Variants in IARS1 observed in about 807,000 individuals in gnomAD.
The protein encoded by IARS1 is isoleucyl-tRNA synthetase 1.
A neutral mutation model predicts 168.2 loss-of-function variants in IARS1; 124 were observed. The ratio of observed to expected loss-of-function variants is 0.74; its 90% CI spans 0.64 to 0.86. The LOEUF (loss-of-function observed/expected upper bound fraction) is 0.86. IARS1 is among the 40% of genes least tolerant of loss of function. IARS1 has a pLI of 0.00. For missense variants in IARS1, 1,452 were observed against 1,515.8 expected (o/e 0.96, Z 0.70); for synonymous variants, 532 against 529.4 (o/e 1.00, Z -0.07).
intron 33 of IARS1, among the ~76,000 whole-genome samples, chr9:92,220,677 G>A (rs573999760): frequency 6.6e-6 from 1 of 152,224 alleles, no homozygotes; most frequent in African/African-American, 2.4e-5. Context: ...GAAAATGGTA[G>A]AAATTAGGCA....
At chr9:92,289,078 G>A (rs192310272) in intron 2 of IARS1, among the ~76,000 whole-genome samples, 4 of 151,890 alleles carry the variant, frequency 2.6e-5, no homozygotes, top group African/African-American at 9.7e-5. Context: ...GTGATGGCGG[G>A]CACCTGTAAT....
Position 92,243,315 on chromosome 9 carries a change from T to C in IARS1, c.2905-4A>G. 1 of 1,601,934 alleles carries C rather than the reference T, an allele frequency of 6.2e-7. No homozygotes were observed. Among genetic ancestry groups the C allele is most frequent in the Non-Finnish European group, 8.6e-7 (1 of 1,169,086 alleles). On this transcript the variant is annotated splice_polypyrimidine_tract_variant and splice_region_variant and intron_variant, in intron 27 of 33. Transcript: ENST00000443024. Reference sequence around the variant, plus strand: ...TGACATCTAAGAGGACCAAAGCCTGTGGGAATGAACAGTGCACACCATGAC... The same window carrying C: ...TGACATCTAAGAGGACCAAAGCCTGCGGGAATGAACAGTGCACACCATGAC...
intron 16 of IARS1, among the ~76,000 whole-genome samples, chr9:92,264,707 T>C (rs1035404669): frequency 4.6e-5 from 7 of 152,154 alleles, no homozygotes; most frequent in African/African-American, 1.2e-4. Flanking sequence ...AGTGAGATCA[T>C]TGAAATTGTA....
At chr9:92,262,047 G>A (rs1831603351) in intron 17 of IARS1, among the ~76,000 whole-genome samples, 1 of 146,364 alleles carries the variant, frequency 6.8e-6, no homozygotes, top group Non-Finnish European at 1.5e-5. Context: ...ATAGCACCCA[G>A]CCCTCAATAA....
At chr9:92,278,068 A>C (rs1564185340) in intron 8 of IARS1, 131 bp downstream of exon 8, 1 of 1,016,874 alleles carries the variant, frequency 9.8e-7, no homozygotes, top group Non-Finnish European at 1.5e-6. Context: ...AGTACTTAGT[A>C]TAGTATTAGT....
At chr9:92,271,230 A>G (rs891770257) in intron 11 of IARS1, among the ~76,000 whole-genome samples, 154 bp from the exon 12 acceptor site, 1 of 152,234 alleles carries the variant, frequency 6.6e-6, no homozygotes. Flanking sequence ...ATTTTCAAGT[A>G]CATTCCACAA....
chr9:92,267,863 T>A lies in IARS1; in HGVS notation c.1431+311A>T, dbSNP rs578049695. Among the ~76,000 whole-genome samples the A allele has an allele frequency of 8.0e-4, 122 of 152,200 alleles. 2 individuals carry two copies. Among genetic ancestry groups the A allele is most frequent in the Non-Finnish European group, 2.5e-4 (17 of 68,036 alleles). On this transcript the variant is annotated intron_variant, in intron 14 of 33. Coordinates refer to ENST00000443024, the MANE Select transcript of IARS1 (RefSeq NM_002161.6). ...CATAAGCTAATAGTATACCTTAATG[T>A]AGGGGGAAGAAAAGACATCGGGGAA...
At chr9:92,237,058 ATC>A (rs987784179) in intron 30 of IARS1, among the ~76,000 whole-genome samples, 1 of 151,852 alleles carries the variant, frequency 6.6e-6, no homozygotes, top group Non-Finnish European at 1.5e-5. Context: ...AATTGCACTG[ATC>A]TCTTATTTTT....
At chr9:92,217,261 C>T (rs11521657) in intron 33 of IARS1, among the ~76,000 whole-genome samples, 40,129 of 148,692 alleles carry the variant, frequency 0.27, 6,938 homozygotes, top group African/African-American at 0.49. Context: ...ATCTCTGAGA[C>T]GCATTCAAAG....
At chr9:92,243,159 A>C (rs1452327558) in intron 28 of IARS1, 57 bp downstream of exon 28, 4 of 1,295,234 alleles carry the variant, frequency 3.1e-6, no homozygotes, top group Middle Eastern at 1.8e-4. Context: ...TCTTCTCCAA[A>C]CAACCAAAAC....
At chr9:92,276,101 TAAAAC>T (rs1833740461) in intron 9 of IARS1, among the ~76,000 whole-genome samples, 1 of 152,056 alleles carries the variant, frequency 6.6e-6, no homozygotes, top group Non-Finnish European at 1.5e-5. Context: ...AAATACAACA[TAAAAC>T]AAAGTATGTT....
chr9:92,289,234 G>A (rs866400675), intron 2 of IARS1, 67 bp downstream of exon 2: 5 of 622,210 alleles, frequency 8.0e-6, no homozygotes, highest in African/African-American at 5.9e-5. Context: ...AAAAGTATCT[G>A]CTTTAATGGA....
chr9:92,249,815 C>G, intron 25 of IARS1, 43 bp downstream of exon 25: 4 of 983,750 alleles, frequency 4.1e-6, no homozygotes, highest in South Asian at 1.4e-5. Flanking sequence ...AAATAATGTT[C>G]TAAGTCTATC....
chr9:92,256,491 G>C (rs4609254), intron 20 of IARS1, 189 bp downstream of exon 20: 1 of 486,460 alleles, frequency 2.1e-6, no homozygotes, highest in African/African-American at 1.9e-5. Flanking sequence ...CACCAGGCCA[G>C]AAGTCCCCAG....
In IARS1 at chr9:92,233,049, A is replaced by T. The variant is rs189658055; in HGVS notation, c.3284-3923T>A. Reference sequence around the variant, plus strand: ...GGAGCTTTCAGAGGCCCCCTGAAATATCTCAAGAGAATTTTCTTTCATTAT... The same window carrying T: ...GGAGCTTTCAGAGGCCCCCTGAAATTTCTCAAGAGAATTTTCTTTCATTAT... On this transcript the variant is annotated intron_variant, in intron 30 of 33. Coordinates refer to ENST00000443024, the MANE Select transcript of IARS1 (RefSeq NM_002161.6). Among the ~76,000 whole-genome samples the T allele has an allele frequency of 1.1e-3, 173 of 152,360 alleles. 1 individual carries two copies. The highest frequency in any genetic ancestry group is 3.2e-3 in the Admixed American group (49 of 15,298).
chr9:92,262,908 C>A, intron 17 of IARS1, 61 bp downstream of exon 17: 1 of 1,235,174 alleles, frequency 8.1e-7, no homozygotes, highest in Non-Finnish European at 1.2e-6. Context: ...CTCTCACGCA[C>A]TCCTTCTTAA....
chr9:92,276,921 T>G (rs1392049570), intron 9 of IARS1, among the ~76,000 whole-genome samples: 1 of 152,160 alleles, frequency 6.6e-6, no homozygotes, highest in Non-Finnish European at 1.5e-5. Flanking sequence ...CTGAAGAAAC[T>G]AAGGTGCTAA....
At position 92,210,614 on chromosome 9, in the gene IARS1, G is replaced by A. The variant is rs1837592965; in HGVS notation, c.*193C>T. ...TGACTGCATAGGTGTCTAAGGTTAA[G>A]TGTGAAGATTACTGTGAGGTCTCAA... On this transcript the variant is annotated 3_prime_UTR_variant, in exon 34 of 34. Coordinates refer to ENST00000443024, the MANE Select transcript of IARS1 (RefSeq NM_002161.6). 1.9e-6 allele frequency: 1 copy of A among 537,276 alleles called. No homozygotes were observed. Among genetic ancestry groups the A allele is most frequent in the Non-Finnish European group, 3.4e-6 (1 of 295,184 alleles). The allele number at this position is 537,276 out of a possible 1,614,324, so 33.3% of individuals were successfully genotyped here.
intron 17 of IARS1, among the ~76,000 whole-genome samples, chr9:92,261,804 G>A (rs1831570314): frequency 6.6e-6 from 1 of 151,620 alleles, no homozygotes; most frequent in African/African-American, 2.4e-5. Flanking sequence ...AGGCTGGAGT[G>A]CAGTGGCATG....
Sources: gnomAD v4.1 joint callset for allele counts (sites outside exome capture counted in the v4.1 genomes callset) on GRCh38, gnomAD v4.1.1 for gene constraint, MANE v1.5 for transcripts, NCBI Gene and HGNC (gene_info 2026-07-23, HGNC 2026-07-21) for gene names.